Variants in MOV10L1 observed in about 807,000 individuals in gnomAD.
MOV10L1 encodes the protein Mov10 like RNA helicase 1.
MOV10L1 carries 110 observed loss-of-function variants against 143.8 expected under a neutral mutation model. The ratio of observed to expected loss-of-function variants is 0.76; its 90% CI spans 0.66 to 0.90. The LOEUF is 0.90. Among genes scored for constraint, MOV10L1 ranks in the 40% least tolerant of loss-of-function variants. The probability of loss-of-function intolerance (pLI) is 0.00; values close to 1 mark genes in which losing one functional copy is unlikely to be tolerated. For missense variants in MOV10L1, 1,406 were observed against 1,526.8 expected (o/e 0.92, Z 1.32); for synonymous variants, 593 against 581.1 (o/e 1.02, Z -0.29).
At chr22:50,094,728 C>T (rs530287554) in intron 2 of MOV10L1, 13 of 152,226 alleles carry the variant, frequency 8.5e-5, no homozygotes, top group African/African-American at 2.9e-4. Context: ...ATCTGGCAAA[C>T]GTATTGAGCT....
chr22:50,149,347 C>T, intron 19 of MOV10L1: 2 of 446,576 alleles, frequency 4.5e-6, no homozygotes, highest in Non-Finnish European at 8.1e-6. Flanking sequence ...GTGTGTTGCC[C>T]ATCGCTCCCA....
At chr22:50,135,194 A>T (rs1275656320) in intron 15 of MOV10L1, among the ~76,000 whole-genome samples, 1 of 151,864 alleles carries the variant, frequency 6.6e-6, no homozygotes, top group East Asian at 2.0e-4. Flanking sequence ...TTGTATTTTT[A>T]GTAGAAACAG....
intron 3 of MOV10L1, among the ~76,000 whole-genome samples, chr22:50,100,941 G>T (rs923555349): frequency 6.6e-6 from 1 of 152,210 alleles, no homozygotes; most frequent in African/African-American, 2.4e-5. Context: ...GCCTATGGTG[G>T]TGAAGACGGA....
rs112855599 is a variant in MOV10L1, at chr22:50,144,180, C to T, written c.2442C>T (p.His814=). The change falls in exon 18 of 27, where the codon CAC becomes CAT. Residue 814 remains histidine, a synonymous_variant. Coordinates refer to ENST00000262794, the MANE Select transcript of MOV10L1 (RefSeq NM_018995.3). ...SAADLVCLRL[H]ESKVLQPATM... is the part of the protein sequence containing the mutation. ...CTGACCTCGTGTGTCTGCGGCTGCA[C>T]GAGAGCAAGGTGCTACAGCCGGCCA... 5.1e-5 allele frequency: 82 copies of T among 1,613,216 alleles called. 3 individuals carry two copies. The highest frequency in any genetic ancestry group is 4.0e-4 in the African/African-American group (30 of 75,032).
At chr22:50,129,118 G>A (rs924908525) in intron 13 of MOV10L1, among the ~76,000 whole-genome samples, 8 of 152,170 alleles carry the variant, frequency 5.3e-5, no homozygotes, top group Middle Eastern at 3.4e-3. Flanking sequence ...TGCATACCCC[G>A]TGTTTCTAGC....
chr22:50,107,792 T>C (rs1426914048), intron 3 of MOV10L1, among the ~76,000 whole-genome samples: 1 of 152,154 alleles, frequency 6.6e-6, no homozygotes, highest in African/African-American at 2.4e-5. Context: ...CGTGTGTGTG[T>C]CCCTGACAGG....
chr22:50,148,944 G>A (rs988257460), intron 19 of MOV10L1, among the ~76,000 whole-genome samples: 10 of 152,210 alleles, frequency 6.6e-5, no homozygotes, highest in Non-Finnish European at 8.8e-5. Context: ...CATTACAGGC[G>A]TGAGCCACTG....
At chr22:50,118,749 C>T (rs939465073) in intron 9 of MOV10L1, among the ~76,000 whole-genome samples, 2 of 152,140 alleles carry the variant, frequency 1.3e-5, no homozygotes, top group South Asian at 2.1e-4. Context: ...GCATGAAACA[C>T]GGTGGGAATC....
Position 50,143,136 on chromosome 22 carries a change from G to C in MOV10L1, c.2273G>C (p.Ser758Thr). 6.2e-7 allele frequency: 1 copy of C among 1,614,172 alleles called. No individual in the cohort carries two copies. The highest frequency in any genetic ancestry group is 8.5e-7 in the Non-Finnish European group (1 of 1,179,982). ...NQKLAVKRIL[S>T]GDCRPLPYIL... ...AAGTTAGCAGTTAAAAGGATTCTGAGTGGTGACTGCCGTCCCCTCCCGTAT... is the reference window on the plus strand; with the variant it reads ...AAGTTAGCAGTTAAAAGGATTCTGACTGGTGACTGCCGTCCCCTCCCGTAT... The change falls in exon 17 of 27, where the codon AGT becomes ACT. Residue 758 changes from serine (S) to threonine (T), a missense_variant. Transcript: ENST00000262794.
At chr22:50,091,938 G>T in intron 1 of MOV10L1, 63 bp from the exon 2 acceptor site, 1 of 1,498,924 alleles carries the variant, frequency 6.7e-7, no homozygotes, top group Non-Finnish European at 9.1e-7. Context: ...TTCTCTGGTG[G>T]GGTTCACTGT....
At chr22:50,090,887 G>A (rs2062419396) in intron 1 of MOV10L1, 1 of 268,278 alleles carries the variant, frequency 3.7e-6, no homozygotes, top group South Asian at 4.1e-5. Flanking sequence ...TGTTGGTCAG[G>A]CTGGTCTCGA....
intron 3 of MOV10L1, among the ~76,000 whole-genome samples, chr22:50,104,534 T>G (rs1291215921): frequency 6.6e-6 from 1 of 152,212 alleles, no homozygotes; most frequent in African/African-American, 2.4e-5. Flanking sequence ...GGTACACGTT[T>G]GAGAAGGAAA....
chr22:50,144,587 GT>G (rs71198224), intron 18 of MOV10L1, among the ~76,000 whole-genome samples: 57 of 148,110 alleles, frequency 3.8e-4, no homozygotes, highest in African/African-American at 1.1e-3. Flanking sequence ...GTTTTGTTTT[GT>G]TTTTTTTTTT....
At chr22:50,161,206 C>A in intron 26 of MOV10L1, 151 bp downstream of exon 26, 2 of 1,040,538 alleles carry the variant, frequency 1.9e-6, no homozygotes, top group Non-Finnish European at 2.9e-6. Flanking sequence ...TGGGCTGCAG[C>A]AGCCACTGTT....
At chr22:50,131,060 C>A (rs1454122312) in intron 13 of MOV10L1, among the ~76,000 whole-genome samples, 3 of 115,194 alleles carry the variant, frequency 2.6e-5, no homozygotes, top group Non-Finnish European at 5.1e-5. Flanking sequence ...CCACGCCCGG[C>A]TAATTTTTTT....
intron 10 of MOV10L1, among the ~76,000 whole-genome samples, chr22:50,121,076 A>C (rs921770078): frequency 1.2e-4 from 19 of 152,226 alleles, no homozygotes; most frequent in Admixed American, 1.2e-3. Context: ...GGTGGAGAAG[A>C]AAAGTTCAAG....
Position 50,158,040 on chromosome 22 carries a change from TCTC to T in MOV10L1, c.3067-13_3067-11del. ...TATTCATGAAGTAAAGTAGGTTTTCTCTCCTCATCAACCCAGGGCAGCGAGGCA... is the reference window on the plus strand; with the variant it reads ...TATTCATGAAGTAAAGTAGGTTTTCTCTCATCAACCCAGGGCAGCGAGGCA... On this transcript the variant is annotated splice_polypyrimidine_tract_variant and intron_variant, in intron 22 of 26. Coordinates refer to ENST00000262794, the MANE Select transcript of MOV10L1 (RefSeq NM_018995.3). This position sits in a 1 kb window ranked among gnomAD's most constrained non-coding sequence, Gnocchi z 5.0. 4 of 1,604,512 alleles carry T rather than the reference TCTC, an allele frequency of 2.5e-6. No homozygotes were observed. The highest frequency in any genetic ancestry group is 3.4e-6 in the Non-Finnish European group (4 of 1,174,346).
intron 21 of MOV10L1, 105 bp downstream of exon 21, chr22:50,151,004 T>C: frequency 1.4e-6 from 2 of 1,441,496 alleles, no homozygotes; most frequent in South Asian, 1.3e-5. Context: ...TCTCCATCCG[T>C]GGGCAGAGTG....
At chr22:50,100,489 A>G (rs1405900513) in intron 3 of MOV10L1, among the ~76,000 whole-genome samples, 3 of 151,964 alleles carry the variant, frequency 2.0e-5, no homozygotes, top group Non-Finnish European at 4.4e-5. Context: ...TACGTTTCCT[A>G]AAGTATATAT....
Sources: gnomAD v4.1 joint callset for allele counts (sites outside exome capture counted in the v4.1 genomes callset) on GRCh38, gnomAD v4.1.1 for gene constraint, Gnocchi (gnomAD v3.1) non-coding constraint, MANE v1.5 for transcripts, NCBI Gene and HGNC (gene_info 2026-07-23, HGNC 2026-07-21) for gene names.